The following CACNA1D variants were observed in gnomAD, a reference collection of about 807,000 sequenced individuals.
CACNA1D encodes voltage-dependent L-type calcium channel subunit alpha-1D.
In CACNA1D, 55 loss-of-function variants were observed where a neutral mutation model predicts 257.1. The observed-to-expected ratio is 0.21, with a 90% CI of 0.17 to 0.27. The LOEUF (loss-of-function observed/expected upper bound fraction) is 0.27. CACNA1D is among the 10% of genes least tolerant of loss of function. CACNA1D has a pLI of 1.00. For synonymous variants in CACNA1D, 980 were observed against 1,014.9 expected (o/e 0.97, Z 0.65); for missense variants, 1,876 against 2,784.0 (o/e 0.67, Z 7.34).
At chr3:53,647,067 T>G (rs2094029035) in intron 3 of CACNA1D, among the ~76,000 whole-genome samples, 1 of 152,142 alleles carries the variant, frequency 6.6e-6, no homozygotes, top group Admixed American at 6.5e-5. Flanking sequence ...CATCAGGTTT[T>G]AGAATTAGAT....
intron 40 of CACNA1D, among the ~76,000 whole-genome samples, chr3:53,797,082 T>C (rs2095510865): frequency 6.6e-6 from 1 of 152,236 alleles, no homozygotes; most frequent in Non-Finnish European, 1.5e-5. Context: ...AAAAAAATGT[T>C]CTTTTTTTTA....
At chr3:53,666,000 AC>A (rs1490759352) in intron 6 of CACNA1D, among the ~76,000 whole-genome samples, 188 bp downstream of exon 6, 1 of 152,054 alleles carries the variant, frequency 6.6e-6, no homozygotes, top group Non-Finnish European at 1.5e-5. Flanking sequence ...CTCCCTTTCC[AC>A]CCCGATTTCC....
chr3:53,536,209 C>A (rs2092110863), intron 3 of CACNA1D, among the ~76,000 whole-genome samples: 2 of 152,090 alleles, frequency 1.3e-5, no homozygotes, highest in African/African-American at 4.8e-5. Flanking sequence ...TTCCTTTTTT[C>A]TTTCTTTGCA....
Position 53,803,539 on chromosome 3 carries a change from G to T in CACNA1D, c.5552G>T (p.Cys1851Phe). Residue 1851 changes from cysteine (C) to phenylalanine (F), a missense_variant, in exon 44 of 48, where the codon TGC becomes TTC. This residue lies in a region of CACNA1D where 491 missense variants were observed against 554.3 expected (regional missense o/e 0.89). Transcript: ENST00000350061. ...GEQEYFSSEE[C>F]YEDDSSPTWS... ...CAGGAGTATTTCAGTAGTGAGGAATGCTACGAGGATGACAGCTCGCCCACC... is the reference window on the plus strand; with the variant it reads ...CAGGAGTATTTCAGTAGTGAGGAATTCTACGAGGATGACAGCTCGCCCACC... 1 of 1,614,160 alleles carries T rather than the reference G, an allele frequency of 6.2e-7. No homozygotes were observed. Among genetic ancestry groups the T allele is most frequent in the Non-Finnish European group, 8.5e-7 (1 of 1,179,998 alleles).
intron 3 of CACNA1D, among the ~76,000 whole-genome samples, chr3:53,541,984 T>C (rs2092308873): frequency 6.6e-6 from 1 of 152,188 alleles, no homozygotes; most frequent in Admixed American, 6.5e-5. Flanking sequence ...AGTGATTGTT[T>C]CAGGCAGGAG....
chr3:53,658,849 C>T (rs1172823464), intron 4 of CACNA1D, among the ~76,000 whole-genome samples: 1 of 152,202 alleles, frequency 6.6e-6, no homozygotes, highest in Non-Finnish European at 1.5e-5. Context: ...CTTGTTTTCC[C>T]TCCTGGCTGG....
intron 3 of CACNA1D, among the ~76,000 whole-genome samples, chr3:53,550,662 G>A (rs1051521321): frequency 6.6e-6 from 1 of 152,212 alleles, no homozygotes; most frequent in African/African-American, 2.4e-5. Flanking sequence ...GTCAGCCACT[G>A]TAGACTTGAG....
intron 8 of CACNA1D, chr3:53,679,900 G>A (rs975485299): frequency 7.2e-5 from 11 of 152,172 alleles, no homozygotes; most frequent in Admixed American, 2.0e-4. Context: ...CTTGGCTTTG[G>A]TAGAACAAGA....
intron 8 of CACNA1D, among the ~76,000 whole-genome samples, chr3:53,691,812 AT>A (rs2094527062): frequency 9.5e-6 from 1 of 104,944 alleles, no homozygotes; most frequent in Non-Finnish European, 1.8e-5. Flanking sequence ...TATAATATAT[AT>A]TATATATTAT....
chr3:53,806,363 T>C (rs1439830784), intron 45 of CACNA1D, among the ~76,000 whole-genome samples: 1 of 152,040 alleles, frequency 6.6e-6, no homozygotes, highest in Non-Finnish European at 1.5e-5. Context: ...AGGAAACCCA[T>C]CCCACCTAGA....
intron 3 of CACNA1D, among the ~76,000 whole-genome samples, chr3:53,573,059 A>G (rs2092975784): frequency 6.6e-6 from 1 of 152,124 alleles, no homozygotes; most frequent in South Asian, 2.1e-4. Flanking sequence ...ATAGTTTTCC[A>G]CCTGAAAACT....
intron 3 of CACNA1D, among the ~76,000 whole-genome samples, chr3:53,616,121 G>C (rs60549042): frequency 0.016 from 2,433 of 152,236 alleles, 68 homozygotes; most frequent in African/African-American, 0.054. Flanking sequence ...TGCAGGGTGA[G>C]GGTGAGCTCA....
intron 3 of CACNA1D, among the ~76,000 whole-genome samples, chr3:53,638,793 C>T (rs181437653): frequency 4.3e-4 from 65 of 152,308 alleles, no homozygotes; most frequent in African/African-American, 1.1e-3. Flanking sequence ...GCTGTGCCAC[C>T]CACTGGGACA....
At chr3:53,761,756 G>A (rs2095303937) in intron 29 of CACNA1D, among the ~76,000 whole-genome samples, 1 of 152,136 alleles carries the variant, frequency 6.6e-6, no homozygotes, top group East Asian at 1.9e-4. Context: ...GTGTGTGTGT[G>A]TGTGTGTGTA....
intron 3 of CACNA1D, among the ~76,000 whole-genome samples, chr3:53,549,534 C>T (rs1238525547): frequency 6.6e-6 from 1 of 152,136 alleles, no homozygotes; most frequent in African/African-American, 2.4e-5. Flanking sequence ...GATGTGATTT[C>T]TAGTTGGGGA....
In CACNA1D at chr3:53,604,653, G is replaced by A. The variant is rs140478484; in HGVS notation, c.484-46126G>A. 2.4e-4 allele frequency among the ~76,000 whole-genome samples: 36 copies of A among 152,312 alleles called. No homozygotes were observed. The East Asian group carries it at 6.2e-3, about 26-fold the overall frequency. ...CCCTGCTTTACAGACCTGCTGTGGA[G>A]TTGGATGAAATGGTGGATATGAAAG... On this transcript the variant is annotated intron_variant, in intron 3 of 47. Coordinates refer to ENST00000350061, the MANE Select transcript of CACNA1D (RefSeq NM_001128840.3).
chr3:53,496,022 A>C (rs539301539), intron 1 of CACNA1D, among the ~76,000 whole-genome samples: 2 of 152,290 alleles, frequency 1.3e-5, no homozygotes, highest in African/African-American at 4.8e-5. Flanking sequence ...GCGCTCCCCT[A>C]GGGAGAAGCT....
rs1367098579 is a variant in CACNA1D at position 53,802,184 on chromosome 3, A to C, written c.5435+11A>C. On this transcript the variant is annotated intron_variant, in intron 43 of 47. Transcript: ENST00000350061. ...TGAAACTTACATTAGGTATGTGCTC[A>C]TTACCTGTTTTTGTGTTAAATACTG... 4 of 1,600,920 alleles carry C rather than the reference A, an allele frequency of 2.5e-6. No individual in the cohort carries two copies. The highest frequency in any genetic ancestry group is 3.3e-5 in the Admixed American group (2 of 59,998).
At chr3:53,653,808 A>G (rs2094121943) in intron 4 of CACNA1D, among the ~76,000 whole-genome samples, 1 of 152,156 alleles carries the variant, frequency 6.6e-6, no homozygotes, top group Non-Finnish European at 1.5e-5. Flanking sequence ...GATTTTCCAA[A>G]TGTGATGAAA....
Sources: gnomAD v4.1 joint callset for allele counts (sites outside exome capture counted in the v4.1 genomes callset) on GRCh38, gnomAD v4.1.1 for gene constraint, gnomAD v4.1.1 regional missense constraint, MANE v1.5 for transcripts, NCBI Gene and HGNC (gene_info 2026-07-23, HGNC 2026-07-21) for gene names.